ICOS: variants seen among roughly 807,000 people sequenced by gnomAD.
The protein encoded by ICOS is inducible T-cell costimulator.
Under a neutral mutation model 24.6 loss-of-function variants are expected in ICOS, and 15 were observed. The ratio of observed to expected loss-of-function variants is 0.61; its 90% CI spans 0.41 to 0.94. The LOEUF (loss-of-function observed/expected upper bound fraction) is 0.94. Ranked by LOEUF, ICOS falls within the 40% of genes least tolerant of loss-of-function variation. ICOS has a pLI of 0.00. For synonymous variants in ICOS, 89 were observed against 77.5 expected (o/e 1.15, Z -0.78); for missense variants, 200 against 233.0 (o/e 0.86, Z 0.92).
At chr2:203,937,139 C>G (rs1351161771) in intron 1 of ICOS, among the ~76,000 whole-genome samples, 1 of 152,096 alleles carries the variant, frequency 6.6e-6, no homozygotes, top group Non-Finnish European at 1.5e-5. Flanking sequence ...TTGGAGTTAC[C>G]TGTCAGTGGA....
chr2:203,956,802 A>T (rs117533044), intron 3 of ICOS, 37 bp downstream of exon 3: 1 of 1,291,238 alleles, frequency 7.7e-7, no homozygotes, highest in Non-Finnish European at 1.1e-6. Context: ...TCTGCTTTAC[A>T]GATGCACATC....
intron 1 of ICOS, among the ~76,000 whole-genome samples, chr2:203,941,631 G>T (rs933185184): frequency 1.3e-5 from 2 of 152,242 alleles, no homozygotes; most frequent in Non-Finnish European, 2.9e-5. Context: ...TTTGTAGCTT[G>T]CAATAACTGA....
intron 4 of ICOS, 92 bp downstream of exon 4, chr2:203,957,975 G>T: frequency 2.7e-6 from 2 of 752,904 alleles, no homozygotes. Context: ...TTAAAGGAAA[G>T]GAAAACATCT....
At chr2:203,937,261 T>C (rs916165650) in intron 1 of ICOS, among the ~76,000 whole-genome samples, 4 of 152,176 alleles carry the variant, frequency 2.6e-5, no homozygotes, top group Non-Finnish European at 5.9e-5. Flanking sequence ...ATTCTTTCTG[T>C]GGTAGAAAAT....
intron 1 of ICOS, among the ~76,000 whole-genome samples, chr2:203,937,415 T>C (rs1235894745): frequency 1.3e-5 from 2 of 152,138 alleles, no homozygotes; most frequent in Admixed American, 6.5e-5. Flanking sequence ...GAAAGGATAA[T>C]GTAAAAATAC....
chr2:203,947,597 C>T (rs10932033), intron 1 of ICOS, among the ~76,000 whole-genome samples: 6,364 of 152,224 alleles, frequency 0.042, 329 homozygotes, highest in African/African-American at 0.12. Flanking sequence ...CGAGTCACTG[C>T]GCCCGGCCTA....
chr2:203,940,545 G>C (rs1018694195), intron 1 of ICOS, among the ~76,000 whole-genome samples: 8 of 151,938 alleles, frequency 5.3e-5, no homozygotes, highest in African/African-American at 1.9e-4. Context: ...TCTTTCCTGG[G>C]AATAGGAGTC....
chr2:203,941,931 G>T (rs894014361), intron 1 of ICOS, among the ~76,000 whole-genome samples: 1 of 152,098 alleles, frequency 6.6e-6, no homozygotes, highest in Non-Finnish European at 1.5e-5. Flanking sequence ...AGAAACTGGG[G>T]ATATGAACTT....
intron 1 of ICOS, among the ~76,000 whole-genome samples, chr2:203,944,005 G>A (rs768529488): frequency 2.6e-5 from 4 of 152,074 alleles, no homozygotes; most frequent in Non-Finnish European, 4.4e-5. Context: ...TCCTCTAACC[G>A]CCCCAAGTCT....
chr2:203,953,388 G>T (rs1690018962), intron 1 of ICOS, among the ~76,000 whole-genome samples: 2 of 151,948 alleles, frequency 1.3e-5, no homozygotes, highest in Admixed American at 1.3e-4. Flanking sequence ...TAATATTTTT[G>T]GACATTTGTT....
At chr2:203,956,604 G>A in intron 2 of ICOS, 55 bp from the exon 3 acceptor site, 1 of 1,193,334 alleles carries the variant, frequency 8.4e-7, no homozygotes, top group East Asian at 2.3e-5. Flanking sequence ...AATTTGGTAA[G>A]AGAACTTGTG....
At position 203,959,465 on chromosome 2, in the gene ICOS, T is replaced by TGC. The variant is rs1690133456; in HGVS notation, c.587-120_587-119insCG. 14 of 795,058 alleles carry TGC rather than the reference T, an allele frequency of 1.8e-5. No homozygotes were observed. The Admixed American group carries it at 2.5e-4, about 14-fold the overall frequency. The allele number at this position is 795,058 out of a possible 1,614,324, so 49.3% of individuals were successfully genotyped here. A position where few individuals can be genotyped will look rare whatever the true frequency, so the allele number is the denominator to read the frequency against. On this transcript the variant is annotated intron_variant, in intron 4 of 4. Transcript: ENST00000316386. ...CATGGTGTGTGTGTGAGTGTGTGTG[T>TGC]GTGTGTGTGTGTGCACGTGTGTGTT... is the stretch of plus-strand genomic sequence containing the variant.
chr2:203,948,924 G>T (rs549165844), intron 1 of ICOS, among the ~76,000 whole-genome samples: 1 of 152,290 alleles, frequency 6.6e-6, no homozygotes, highest in African/African-American at 2.4e-5. Context: ...GTGTGTGACT[G>T]GTATAAAATG....
At chr2:203,938,473 A>G (rs1029039982) in intron 1 of ICOS, among the ~76,000 whole-genome samples, 9 of 152,220 alleles carry the variant, frequency 5.9e-5, no homozygotes, top group African/African-American at 1.9e-4. Flanking sequence ...AAGATGACCA[A>G]CTGGTCCAAG....
chr2:203,947,242 A>G, intron 1 of ICOS, among the ~76,000 whole-genome samples: 1 of 152,204 alleles, frequency 6.6e-6, no homozygotes, highest in East Asian at 1.9e-4. Flanking sequence ...ATCACTTAAT[A>G]TAAAGATTTT....
chr2:203,938,268 A>T (rs1238969510), intron 1 of ICOS, among the ~76,000 whole-genome samples: 3 of 152,198 alleles, frequency 2.0e-5, no homozygotes, highest in African/African-American at 7.2e-5. Context: ...TGCAAGTGGC[A>T]CTTGAGCGGA....
chr2:203,936,892 T>C lies in ICOS; in HGVS notation c.58+20T>C. ...TAACAGGTAAGTGGTGTATTGAATATTTCTTATTAAGTTATAATTCAAGTA... is the reference window on the plus strand; with the variant it reads ...TAACAGGTAAGTGGTGTATTGAATACTTCTTATTAAGTTATAATTCAAGTA... On this transcript the variant is annotated intron_variant, in intron 1 of 4. Transcript: ENST00000316386. 1 of 1,522,134 alleles carries C rather than the reference T, an allele frequency of 6.6e-7. No homozygotes were observed. Among genetic ancestry groups the C allele is most frequent in the Non-Finnish European group, 9.1e-7 (1 of 1,098,462 alleles). 94.3% of individuals were successfully genotyped at this position (1,522,134 alleles called of 1,614,324 possible). A position where few individuals can be genotyped will look rare whatever the true frequency, so the allele number is the denominator to read the frequency against.
At chr2:203,949,859 C>T (rs184939899) in intron 1 of ICOS, among the ~76,000 whole-genome samples, 163 of 152,204 alleles carry the variant, frequency 1.1e-3, no homozygotes, top group African/African-American at 3.5e-3. Flanking sequence ...TCTATCATAC[C>T]AGCATTCCAG....
Position 203,955,894 on chromosome 2 carries a change from A to G in ICOS, c.317A>G (p.Tyr106Cys), listed in dbSNP as rs1041100487. 6.2e-7 allele frequency: 1 copy of G among 1,613,602 alleles called. No homozygotes were observed. Among genetic ancestry groups the G allele is most frequent in the Non-Finnish European group, 8.5e-7 (1 of 1,179,692 alleles). Residue 106 changes from tyrosine (Y) to cysteine (C), a missense_variant, in exon 2 of 5, where the codon TAT becomes TGT. By Grantham distance (194) the Tyr-to-Cys change is radical. Transcript: ENST00000316386. ...LYNLDHSHAN[Y>C]YFCNLSIFDP... ...AACTTGGACCATTCTCATGCCAACT[A>G]TTACTTCTGCAACCTATCAATTTTT...
Sources: allele counts gnomAD v4.1 joint callset (sites outside exome capture counted in the v4.1 genomes callset), GRCh38; gene constraint gnomAD v4.1.1; transcripts MANE v1.5; gene names NCBI Gene and HGNC (gene_info 2026-07-23, HGNC 2026-07-21).